GLIS3: variants seen among roughly 807,000 people sequenced by gnomAD.
GLIS3 encodes GLIS family zinc finger 3.
In GLIS3, 53 loss-of-function variants were observed where a neutral mutation model predicts 78.6. That is an observed-to-expected ratio of 0.67 (90% CI 0.54 to 0.85). The LOEUF (loss-of-function observed/expected upper bound fraction) is 0.85. GLIS3 is among the 40% of genes least tolerant of loss of function. The pLI, the probability that GLIS3 is intolerant of heterozygous loss-of-function variation, is 0.00. For missense variants in GLIS3, 1,703 were observed against 1,231.1 expected (o/e 1.38, Z -5.74); for synonymous variants, 684 against 509.9 (o/e 1.34, Z -4.60).
chr9:4,485,326 C>T, the GLIS3 span, among the ~76,000 whole-genome samples: 1 of 152,020 alleles, frequency 6.6e-6, no homozygotes, highest in African/African-American at 2.4e-5. Flanking sequence ...TAAGGTTGGT[C>T]TTCTGAGATG....
In GLIS3 at chr9:4,216,514, G is replaced by GA. The variant is rs556091043; in HGVS notation, c.388+69523dup. ...AAAAGAAAAGAAAAGAAAAGAAAAAGAAAAAAAAAAAAGAAAATGTGGGTT... is the reference window on the plus strand; with the variant it reads ...AAAAGAAAAGAAAAGAAAAGAAAAAGAAAAAAAAAAAAAGAAAATGTGGGTT... On this transcript the variant is annotated intron_variant, in intron 2 of 10. Transcript: ENST00000381971. Among the ~76,000 whole-genome samples, 109 of 136,246 alleles carry GA rather than the reference G, an allele frequency of 8.0e-4. 1 individual carries two copies. Among genetic ancestry groups the GA allele is most frequent in the Admixed American group, 1.5e-3 (20 of 13,566 alleles). The allele number at this position is 136,246 out of a possible 152,430, so 89.4% of individuals were successfully genotyped here.
At chr9:4,126,889 T>A (rs806048) in intron 2 of GLIS3, among the ~76,000 whole-genome samples, 6,289 of 152,256 alleles carry the variant, frequency 0.041, 140 homozygotes, top group Admixed American at 0.068. Flanking sequence ...AAGCTTTACA[T>A]TGCAAATTTC....
At chr9:4,306,639 G>A (rs1179939048) in intron 4 of GLIS3, among the ~76,000 whole-genome samples, 3 of 152,188 alleles carry the variant, frequency 2.0e-5, no homozygotes, top group African/African-American at 4.8e-5. Flanking sequence ...TTCCTGGAAT[G>A]GCATTCAGAA....
intron 7 of GLIS3, among the ~76,000 whole-genome samples, chr9:3,895,426 G>A (rs1822757825): frequency 6.6e-6 from 1 of 152,182 alleles, no homozygotes; most frequent in Non-Finnish European, 1.5e-5. Flanking sequence ...TCTCAGGTGA[G>A]CTCAGGAGCA....
At chr9:3,983,516 G>T (rs1035504704) in intron 4 of GLIS3, among the ~76,000 whole-genome samples, 1 of 152,196 alleles carries the variant, frequency 6.6e-6, no homozygotes, top group Non-Finnish European at 1.5e-5. Context: ...ACAAAAAAAT[G>T]TGAGAAATTT....
At chr9:4,265,905 T>TTTTTG (rs1213858811) in intron 2 of GLIS3, among the ~76,000 whole-genome samples, 15 of 58,386 alleles carry the variant, frequency 2.6e-4, no homozygotes, top group Admixed American at 1.1e-3. Flanking sequence ...TGGTTTTTTT[T>TTTTTG]TTGTTTGTCT....
intron 2 of GLIS3, among the ~76,000 whole-genome samples, chr9:4,150,188 T>C (rs1834560164): frequency 6.6e-6 from 1 of 152,128 alleles, no homozygotes; most frequent in Non-Finnish European, 1.5e-5. Context: ...GAAACCAACC[T>C]ACCTTAAAAA....
intron 2 of GLIS3, among the ~76,000 whole-genome samples, chr9:4,221,384 G>C (rs991052207): frequency 6.6e-6 from 1 of 152,132 alleles, no homozygotes; most frequent in Admixed American, 6.5e-5. Flanking sequence ...AAAAGAAAAA[G>C]AAATAAATTA....
At chr9:4,448,090 G>A in the GLIS3 span, among the ~76,000 whole-genome samples, 1 of 152,040 alleles carries the variant, frequency 6.6e-6, no homozygotes, top group Admixed American at 6.6e-5. Flanking sequence ...AGCTTTCCTT[G>A]ACTGGTACCG....
chr9:4,372,916 T>C, the GLIS3 span, among the ~76,000 whole-genome samples: 1 of 152,176 alleles, frequency 6.6e-6, no homozygotes, highest in Non-Finnish European at 1.5e-5. Flanking sequence ...CAGTGACTTC[T>C]CAGGAACAAG....
intron 4 of GLIS3, among the ~76,000 whole-genome samples, chr9:4,112,717 T>C (rs778456364): frequency 3.9e-5 from 6 of 152,286 alleles, no homozygotes; most frequent in Admixed American, 1.3e-4. Context: ...TGGAAAGAAA[T>C]TGGAGTGTGA....
chr9:4,475,696 C>A, the GLIS3 span, among the ~76,000 whole-genome samples: 2 of 152,056 alleles, frequency 1.3e-5, no homozygotes, highest in African/African-American at 2.4e-5. Context: ...AAAAAGGAGG[C>A]ACAGAACAGG....
chr9:4,268,878 C>A (rs918124972), intron 2 of GLIS3, among the ~76,000 whole-genome samples: 2 of 152,178 alleles, frequency 1.3e-5, no homozygotes, highest in Admixed American at 1.3e-4. Context: ...TTCGATCCTC[C>A]AGCACTAGGG....
chr9:4,316,314 T>C (rs1817436192), intron 2 of GLIS3, among the ~76,000 whole-genome samples: 2 of 152,226 alleles, frequency 1.3e-5, no homozygotes, highest in South Asian at 4.1e-4. Context: ...GTCCCACAAC[T>C]TGTTTTGCAT....
At position 4,168,864 on chromosome 9, in the gene GLIS3, C is replaced by T. The variant is rs1020582687; in HGVS notation, c.389-42923G>A. Reference sequence around the variant, plus strand: ...TTGGTCCCTCGTTAGGCCTAATTGTCGAAACATCAATCTGTTTAATCTAGA... The same window carrying T: ...TTGGTCCCTCGTTAGGCCTAATTGTTGAAACATCAATCTGTTTAATCTAGA... On this transcript the variant is annotated intron_variant, in intron 2 of 10. Coordinates refer to ENST00000381971, the MANE Select transcript of GLIS3 (RefSeq NM_001042413.2). Among the ~76,000 whole-genome samples, 5 of 152,068 alleles carry T rather than the reference C, an allele frequency of 3.3e-5. No individual in the cohort carries two copies. In the South Asian group the frequency reaches 1.0e-3, roughly 31 times the overall value.
intron 4 of GLIS3, among the ~76,000 whole-genome samples, chr9:4,068,770 AT>A (rs773740773): frequency 2.6e-5 from 4 of 151,110 alleles, no homozygotes; most frequent in African/African-American, 9.7e-5. Flanking sequence ...CTGTCAAGGG[AT>A]TTTTTTTCTT....
intron 2 of GLIS3, among the ~76,000 whole-genome samples, chr9:4,228,548 C>G (rs1821982000): frequency 6.6e-6 from 1 of 152,178 alleles, no homozygotes; most frequent in Non-Finnish European, 1.5e-5. Flanking sequence ...TGTCTGGTCT[C>G]ATTAGATGAA....
intron 4 of GLIS3, among the ~76,000 whole-genome samples, chr9:4,037,517 G>A (rs1279553036): frequency 1.3e-5 from 2 of 151,344 alleles, no homozygotes; most frequent in African/African-American, 2.4e-5. Flanking sequence ...TCCATGCTGA[G>A]TGCTGCAGTG....
At chr9:4,330,801 A>T (rs576254565) in intron 2 of GLIS3, among the ~76,000 whole-genome samples, 2 of 152,272 alleles carry the variant, frequency 1.3e-5, no homozygotes, top group East Asian at 3.9e-4. Context: ...GAAAAAATGC[A>T]ATCGATGCTG....
Sources: gnomAD v4.1 joint callset for allele counts (sites outside exome capture counted in the v4.1 genomes callset) on GRCh38, gnomAD v4.1.1 for gene constraint, MANE v1.5 for transcripts, NCBI Gene and HGNC (gene_info 2026-07-23, HGNC 2026-07-21) for gene names.